The following ERCC4 variants were observed in gnomAD, a reference collection of about 807,000 sequenced individuals.
ERCC4 encodes the protein ERCC excision repair 4, endonuclease catalytic subunit.
Under a neutral mutation model 76.9 loss-of-function variants are expected in ERCC4, and 65 were observed. The ratio of observed to expected loss-of-function variants is 0.84; its 90% CI spans 0.69 to 1.04. The LOEUF is 1.04. ERCC4 is among the 50% of genes least tolerant of loss of function. The probability of loss-of-function intolerance (pLI) is 0.00; values close to 1 mark genes in which losing one functional copy is unlikely to be tolerated. For synonymous variants in ERCC4, 463 were observed against 410.1 expected (o/e 1.13, Z -1.56); for missense variants, 1,214 against 1,128.2 (o/e 1.08, Z -1.09).
chr16:13,934,301 A>G lies in ERCC4; in HGVS notation c.1212A>G (p.Pro404=), dbSNP rs752193295. 4.4e-6 allele frequency: 7 copies of G among 1,598,110 alleles called. No individual in the cohort carries two copies. The Admixed American group carries it at 6.7e-5, about 15-fold the overall frequency. The change falls in exon 7 of 11, where the codon CCA becomes CCG. Residue 404 remains proline, a splice_region_variant and synonymous_variant. Coordinates refer to ENST00000311895, the MANE Select transcript of ERCC4 (RefSeq NM_005236.3). ...AGGAGAGTGAAGCTCTTGGTGGTCC[A>G]GGTAGGAAAAAAGGAGATGAAAACA... ...ENKESEALGG[P]GQVLICASDD...
rs1255010537 is a variant in ERCC4 at position 13,927,920 on chromosome 16, C to T, written c.585-108C>T. ...TGCTTTTCATTTGTTTGTTGTTTTGCTTTTCGTGTTGTTTGTAGCATTTAT... is the reference window on the plus strand; with the variant it reads ...TGCTTTTCATTTGTTTGTTGTTTTGTTTTTCGTGTTGTTTGTAGCATTTAT... On this transcript the variant is annotated intron_variant, in intron 3 of 10. Coordinates refer to ENST00000311895, the MANE Select transcript of ERCC4 (RefSeq NM_005236.3). 6 of 772,906 alleles carry T rather than the reference C, an allele frequency of 7.8e-6. No individual in the cohort carries two copies. In the Admixed American group the frequency reaches 1.3e-4, roughly 16 times the overall value. The allele number at this position is 772,906 out of a possible 1,614,324, so 47.9% of individuals were successfully genotyped here.
chr16:13,937,897 T>C (rs1157975742), intron 9 of ERCC4, 39 bp downstream of exon 9: 11 of 1,265,812 alleles, frequency 8.7e-6, no homozygotes, highest in East Asian at 2.3e-5. Context: ...CCCAACTACA[T>C]TGGAAACCTC....
Position 13,922,366 on chromosome 16 carries a change from C to T in ERCC4, c.388+155C>T, listed in dbSNP as rs1462519159. Reference sequence around the variant, plus strand: ...CTTTGGTAGGGGTCGTGGGGCAGCACCCACAGGTCTAAATCTGGGTGGGGG... The same window carrying T: ...CTTTGGTAGGGGTCGTGGGGCAGCATCCACAGGTCTAAATCTGGGTGGGGG... On this transcript the variant is annotated intron_variant, in intron 2 of 10. Transcript: ENST00000311895. 3.9e-6 allele frequency: 3 copies of T among 761,902 alleles called. No homozygotes were observed. The Admixed American group carries it at 5.2e-5, about 13-fold the overall frequency. The allele number at this position is 761,902 out of a possible 1,614,324, so 47.2% of individuals were successfully genotyped here.
chr16:13,948,237 C>G lies in ERCC4; in HGVS notation c.2641C>G (p.Gln881Glu), dbSNP rs754131812. 15 of 1,614,064 alleles carry G rather than the reference C, an allele frequency of 9.3e-6. No homozygotes were observed. Among genetic ancestry groups the G allele is most frequent in the Non-Finnish European group, 1.3e-5 (15 of 1,180,036 alleles). The change falls in exon 11 of 11, where the codon CAA becomes GAA. Residue 881 changes from glutamine (Q) to glutamate (E), a missense_variant. Coordinates refer to ENST00000311895, the MANE Select transcript of ERCC4 (RefSeq NM_005236.3). Reference protein sequence around the residue: ...KNIAELAALSQDELTSILGNA... With the variant: ...KNIAELAALSEDELTSILGNA... ...CATCGCAGAATTAGCAGCCCTGTCA[C>G]AAGACGAGCTCACGAGTATTCTGGG...
At chr16:13,920,809 G>A (rs1160299810) in intron 1 of ERCC4, among the ~76,000 whole-genome samples, 3 of 151,954 alleles carry the variant, frequency 2.0e-5, no homozygotes, top group Non-Finnish European at 4.4e-5. Context: ...AGGGGATGCG[G>A]GTCCCTGACA....
Position 13,932,305 on chromosome 16 carries a change from C to T in ERCC4, c.1102+20C>T, listed in dbSNP as rs555322451. On this transcript the variant is annotated intron_variant, in intron 6 of 10. Coordinates refer to ENST00000311895, the MANE Select transcript of ERCC4 (RefSeq NM_005236.3). ...GGGAAGGTATCTTGTGGGGTTAAGT[C>T]TTTAAATGTGTTTTTTATTTCGGTA... 4.1e-5 allele frequency: 66 copies of T among 1,600,954 alleles called. No homozygotes were observed. Among genetic ancestry groups the T allele is most frequent in the Non-Finnish European group, 5.2e-5 (61 of 1,171,048 alleles).
chr16:13,921,944 AAGAC>A (rs1403780032), intron 1 of ERCC4, 83 bp from the exon 2 acceptor site: 40 of 826,358 alleles, frequency 4.8e-5, no homozygotes, highest in South Asian at 1.4e-4. Flanking sequence ...ATCTCAGAGA[AAGAC>A]AGCACATTAT....
intron 9 of ERCC4, among the ~76,000 whole-genome samples, 154 bp from the exon 10 acceptor site, chr16:13,944,569 G>A (rs1411079426): frequency 1.3e-5 from 2 of 151,596 alleles, no homozygotes; most frequent in African/African-American, 2.4e-5. Context: ...ATTTGTCTTG[G>A]CATATTTACT....
At chr16:13,922,421 G>A (rs1477629204) in intron 2 of ERCC4, 25 of 760,492 alleles carry the variant, frequency 3.3e-5, no homozygotes, top group East Asian at 1.5e-4. Context: ...TCACAAGATC[G>A]ATTCCTGACT....
rs551248118 is a variant in ERCC4, at chr16:13,949,384, A to C, written c.*1037A>C. ...ACCACTGCACCCCTGCCTGGGCGAC[A>C]GAGTGAGACTTTGTCTCTATTACAA... is the stretch of plus-strand genomic sequence containing the variant. On this transcript the variant is annotated 3_prime_UTR_variant, in exon 11 of 11. Transcript: ENST00000311895. 1.3e-5 allele frequency: 3 copies of C among 233,322 alleles called. No homozygotes were observed. Among genetic ancestry groups the C allele is most frequent in the African/African-American group, 4.4e-5 (2 of 45,334 alleles). 14.5% of individuals were successfully genotyped at this position (233,322 alleles called of 1,614,324 possible). A position where few individuals can be genotyped will look rare whatever the true frequency, so the allele number is the denominator to read the frequency against.
At chr16:13,921,106 G>A (rs1369457726) in intron 1 of ERCC4, among the ~76,000 whole-genome samples, 3 of 152,152 alleles carry the variant, frequency 2.0e-5, no homozygotes, top group African/African-American at 7.2e-5. Context: ...AGGGAACAGT[G>A]ATGAGGATGG....
In ERCC4 at chr16:13,930,799, G is replaced by T; in HGVS notation, c.882G>T (p.Leu294Phe). ...AGGATTTGAAGATATTACGAACTTTGCTGCAGTATCTCTCTCAGTATGATT... is the reference window on the plus strand; with the variant it reads ...AGGATTTGAAGATATTACGAACTTTTCTGCAGTATCTCTCTCAGTATGATT... Reference protein sequence around the residue: ...LVQDLKILRTLLQYLSQYDCV... With the variant: ...LVQDLKILRTFLQYLSQYDCV... The change falls in exon 5 of 11, where the codon TTG (leucine) becomes TTT (phenylalanine). Residue 294 changes from leucine (L) to phenylalanine (F), a missense_variant. Transcript: ENST00000311895. The T allele has an allele frequency of 1.2e-6, 2 of 1,611,706 alleles. No homozygotes were observed. The highest frequency in any genetic ancestry group is 1.7e-6 in the Non-Finnish European group (2 of 1,177,882).
rs756785482 is a variant in ERCC4 at position 13,926,766 on chromosome 16, A to T, written c.584+10A>T. The T allele has an allele frequency of 6.3e-7, 1 of 1,592,800 alleles. No individual in the cohort carries two copies. Among genetic ancestry groups the T allele is most frequent in the East Asian group, 2.2e-5 (1 of 44,794 alleles). ...TGTATCTGTGGCCAAGGTAAAGAAC[A>T]TTATGTGACAAATAATGATGACATT... On this transcript the variant is annotated intron_variant, in intron 3 of 10. Transcript: ENST00000311895.
intron 2 of ERCC4, 45 bp from the exon 3 acceptor site, chr16:13,926,516 A>G (rs752821783): frequency 1.9e-5 from 29 of 1,532,602 alleles, no homozygotes; most frequent in East Asian, 1.8e-4. Flanking sequence ...ATGAATGGCA[A>G]TTACCTACCT....
chr16:13,920,703 T>C (rs1261034659), intron 1 of ERCC4, among the ~76,000 whole-genome samples: 1 of 151,662 alleles, frequency 6.6e-6, no homozygotes, highest in African/African-American at 2.4e-5. Context: ...TCCCTGACAC[T>C]GTGCGGGGAC....
Position 13,946,534 on chromosome 16 carries a change from C to T in ERCC4, c.2018-1080C>T, listed in dbSNP as rs140050660. On this transcript the variant is annotated intron_variant, in intron 10 of 10. Coordinates refer to ENST00000311895, the MANE Select transcript of ERCC4 (RefSeq NM_005236.3). ...ATATGCACTTTGTCATTGACCAAAA[C>T]GTTGTTGTACAGCACATGACCGTAT... is the stretch of plus-strand genomic sequence containing the variant. 4.1e-3 allele frequency among the ~76,000 whole-genome samples: 617 copies of T among 152,322 alleles called. 3 individuals are homozygous for T. The highest frequency in any genetic ancestry group is 0.014 in the African/African-American group (579 of 41,572).
At chr16:13,935,815 C>T in intron 8 of ERCC4, 72 bp downstream of exon 8, 2 of 1,128,342 alleles carry the variant, frequency 1.8e-6, no homozygotes, top group Non-Finnish European at 1.4e-6. Flanking sequence ...ATACCAGTTG[C>T]ATGTTAGTTT....
chr16:13,951,840 T>C lies in ERCC4; in HGVS notation c.*3493T>C, dbSNP rs79560972. 0.065 allele frequency: 14,518 copies of C among 222,660 alleles called. 570 individuals carry two copies. Among genetic ancestry groups the C allele is most frequent in the African/African-American group, 0.1 (4,623 of 44,860 alleles). 13.8% of individuals were successfully genotyped at this position (222,660 alleles called of 1,614,324 possible). A position where few individuals can be genotyped will look rare whatever the true frequency, so the allele number is the denominator to read the frequency against. On this transcript the variant is annotated 3_prime_UTR_variant, in exon 11 of 11. Coordinates refer to ENST00000311895, the MANE Select transcript of ERCC4 (RefSeq NM_005236.3). ...AGAAAACTCATTTGGGGAAATTCTC[T>C]TTTGTGTTCAGTTTAACCTAGAAAG...
intron 2 of ERCC4, among the ~76,000 whole-genome samples, chr16:13,924,770 G>C (rs2032042421): frequency 6.6e-6 from 1 of 152,180 alleles, no homozygotes; most frequent in South Asian, 2.1e-4. Flanking sequence ...ATGGCACATA[G>C]TCAGCATTCT....
Sources: allele counts gnomAD v4.1 joint callset (sites outside exome capture counted in the v4.1 genomes callset), GRCh38; gene constraint gnomAD v4.1.1; transcripts MANE v1.5; gene names NCBI Gene and HGNC (gene_info 2026-07-23, HGNC 2026-07-21).